Variants in NXPE2 observed in about 807,000 individuals in gnomAD.
The protein encoded by NXPE2 is neurexophilin and PC-esterase domain family member 2, also known as NXPE family member 2.
In NXPE2, 34 loss-of-function variants were observed where a neutral mutation model predicts 34.4. The observed-to-expected ratio is 0.99, with a 90% CI of 0.75 to 1.31. The LOEUF (loss-of-function observed/expected upper bound fraction) is 1.31. Among genes scored for constraint, NXPE2 ranks in the 40% most tolerant of loss-of-function variants. NXPE2 has a pLI of 0.00. For missense variants in NXPE2, 649 were observed against 672.5 expected (o/e 0.97, Z 0.39); for synonymous variants, 235 against 231.3 (o/e 1.02, Z -0.15).
chr11:114,493,647 GTTTTTA>G, the NXPE2 span, among the ~76,000 whole-genome samples: 1 of 151,652 alleles, frequency 6.6e-6, no homozygotes, highest in African/African-American at 2.4e-5. Flanking sequence ...TTAACTTTTT[GTTTTTA>G]TTTATACTGT....
At chr11:114,782,007 G>T in the NXPE2 span, among the ~76,000 whole-genome samples, 7 of 152,214 alleles carry the variant, frequency 4.6e-5, no homozygotes, top group South Asian at 1.5e-3. Context: ...TTGGTTCCAG[G>T]ACCTCCCACA....
chr11:114,546,311 A>C, the NXPE2 span, among the ~76,000 whole-genome samples: 2 of 152,150 alleles, frequency 1.3e-5, no homozygotes, highest in Admixed American at 6.5e-5. Context: ...TTGATGTGGT[A>C]GGTGAAGGCT....
chr11:114,495,435 C>G, the NXPE2 span, among the ~76,000 whole-genome samples: 5 of 151,758 alleles, frequency 3.3e-5, no homozygotes, highest in East Asian at 3.9e-4. Context: ...GTTTTCTCCA[C>G]TCTTTCCTCA....
the NXPE2 span, among the ~76,000 whole-genome samples, chr11:114,731,879 G>A: frequency 6.6e-6 from 1 of 152,180 alleles, no homozygotes; most frequent in African/African-American, 2.4e-5. Flanking sequence ...TACCATTGGG[G>A]GAAACTGGGT....
At chr11:114,619,882 G>C in the NXPE2 span, among the ~76,000 whole-genome samples, 1 of 152,214 alleles carries the variant, frequency 6.6e-6, no homozygotes, top group South Asian at 2.1e-4. Context: ...TGCCTCGTGG[G>C]TAAGAATTCT....
At chr11:114,653,468 C>T in the NXPE2 span, among the ~76,000 whole-genome samples, 2 of 151,860 alleles carry the variant, frequency 1.3e-5, no homozygotes, top group Admixed American at 1.3e-4. Context: ...ATATTTAACC[C>T]TTGGGTGCTT....
At chr11:114,751,528 C>A in the NXPE2 span, among the ~76,000 whole-genome samples, 93 of 152,130 alleles carry the variant, frequency 6.1e-4, no homozygotes, top group South Asian at 0.016. Flanking sequence ...GCTGGACAGA[C>A]AAATTTTTAG....
the NXPE2 span, among the ~76,000 whole-genome samples, chr11:114,548,322 T>C: frequency 6.6e-6 from 1 of 152,068 alleles, no homozygotes; most frequent in Non-Finnish European, 1.5e-5. Flanking sequence ...TAAAGACAGA[T>C]CGTGTAGATA....
chr11:114,673,595 A>G (rs2135519550), upstream of NXPE2, among the ~76,000 whole-genome samples: 1 of 151,910 alleles, frequency 6.6e-6, no homozygotes. Flanking sequence ...TCAGAATAAA[A>G]GAGAAAACTC....
At chr11:114,576,146 A>T in the NXPE2 span, among the ~76,000 whole-genome samples, 1 of 152,174 alleles carries the variant, frequency 6.6e-6, no homozygotes, top group East Asian at 1.9e-4. Flanking sequence ...TTGGCAAGCC[A>T]CATATAAAAG....
the NXPE2 span, among the ~76,000 whole-genome samples, chr11:114,659,559 A>T: frequency 6.6e-6 from 1 of 152,168 alleles, no homozygotes; most frequent in African/African-American, 2.4e-5. Context: ...AAATGAAACA[A>T]CATACTTCTA....
At chr11:114,624,883 G>T in the NXPE2 span, among the ~76,000 whole-genome samples, 149 of 151,778 alleles carry the variant, frequency 9.8e-4, 2 homozygotes, top group Admixed American at 8.4e-3. Flanking sequence ...ACTGTAACCT[G>T]GTGGATAATA....
the NXPE2 span, among the ~76,000 whole-genome samples, chr11:114,545,774 C>T: frequency 5.3e-5 from 8 of 151,784 alleles, no homozygotes; most frequent in South Asian, 2.1e-4. Context: ...CTGTAACCTC[C>T]GCCTTCCAGG....
At chr11:114,665,517 A>C in the NXPE2 span, among the ~76,000 whole-genome samples, 4 of 152,310 alleles carry the variant, frequency 2.6e-5, no homozygotes, top group East Asian at 5.8e-4. Flanking sequence ...GAGGTTCTCA[A>C]AGCATGCAAA....
the NXPE2 span, among the ~76,000 whole-genome samples, chr11:114,613,818 A>G: frequency 2.7e-5 from 4 of 150,202 alleles, no homozygotes; most frequent in African/African-American, 9.8e-5. Flanking sequence ...CTTGCCTCAT[A>G]AGTAACCACT....
the NXPE2 span, among the ~76,000 whole-genome samples, chr11:114,808,051 G>T: frequency 6.6e-6 from 1 of 152,150 alleles, no homozygotes; most frequent in Non-Finnish European, 1.5e-5. Context: ...ACTCAAAACT[G>T]CTCAACTACA....
At chr11:114,704,806 G>C (rs1252786234) in intron 4 of NXPE2, among the ~76,000 whole-genome samples, 5 of 152,162 alleles carry the variant, frequency 3.3e-5, no homozygotes, top group African/African-American at 1.2e-4. Flanking sequence ...TTCTCTGCTA[G>C]GGCAACTATC....
chr11:114,674,908 A>G (rs1950840864), upstream of NXPE2, among the ~76,000 whole-genome samples: 1 of 151,866 alleles, frequency 6.6e-6, no homozygotes, highest in Non-Finnish European at 1.5e-5. Flanking sequence ...CCAAAACAAA[A>G]TACTAGCAAA....
chr11:114,533,059 TCAAC>T, the NXPE2 span, among the ~76,000 whole-genome samples: 2 of 152,132 alleles, frequency 1.3e-5, no homozygotes, highest in Non-Finnish European at 2.9e-5. Context: ...GAATTAATGT[TCAAC>T]ATAACGTTAG....
Sources: allele counts gnomAD v4.1 joint callset (sites outside exome capture counted in the v4.1 genomes callset), GRCh38; gene constraint gnomAD v4.1.1; transcripts MANE v1.5; gene names NCBI Gene and HGNC (gene_info 2026-07-23, HGNC 2026-07-21).